Variants in DLGAP4 observed in about 807,000 individuals in gnomAD.
DLGAP4 encodes the protein DLG associated protein 4, also known as disks large-associated protein 4.
DLGAP4 carries 18 observed loss-of-function variants against 86.9 expected under a neutral mutation model. The ratio of observed to expected loss-of-function variants is 0.21; its 90% CI spans 0.14 to 0.31. The LOEUF is 0.31. DLGAP4 is among the 10% of genes least tolerant of loss of function. The pLI is 1.00. For synonymous variants in DLGAP4, 548 were observed against 574.3 expected (o/e 0.95, Z 0.65); for missense variants, 1,085 against 1,362.6 (o/e 0.80, Z 3.21).
chr20:36,334,638 A>G (rs1396425059), intron 1 of DLGAP4, among the ~76,000 whole-genome samples: 1 of 152,148 alleles, frequency 6.6e-6, no homozygotes, highest in Non-Finnish European at 1.5e-5. Context: ...GGGCCAACCC[A>G]ATTTTAGAGG....
Position 36,420,851 on chromosome 20 carries a change from T to C in DLGAP4, c.-72-10795T>C, listed in dbSNP as rs561488686. Among the ~76,000 whole-genome samples, 240 of 152,126 alleles carry C rather than the reference T, an allele frequency of 1.6e-3. 1 individual carries two copies. Among genetic ancestry groups the C allele is most frequent in the African/African-American group, 5.6e-3 (234 of 41,494 alleles). ...AGCCAGGCGTGGTGGCGCATGCCTGTAATCCCAGCTACTCTGGAGGCTGAG... is the reference window on the plus strand; with the variant it reads ...AGCCAGGCGTGGTGGCGCATGCCTGCAATCCCAGCTACTCTGGAGGCTGAG... On this transcript the variant is annotated intron_variant, in intron 2 of 12. Transcript: ENST00000339266.
intron 1 of DLGAP4, among the ~76,000 whole-genome samples, chr20:36,331,624 G>A (rs1257316537): frequency 6.6e-6 from 1 of 152,212 alleles, no homozygotes; most frequent in African/African-American, 2.4e-5. Context: ...ATGCAGAGAT[G>A]GAAGCTTTGG....
At chr20:36,419,129 T>C (rs2032749987) in intron 2 of DLGAP4, among the ~76,000 whole-genome samples, 2 of 152,214 alleles carry the variant, frequency 1.3e-5, no homozygotes, top group Admixed American at 6.5e-5. Context: ...TCTTTTTTTT[T>C]TCTTTTTTTT....
chr20:36,380,665 A>AGAGAGAC, intron 2 of DLGAP4, among the ~76,000 whole-genome samples: 1 of 121,486 alleles, frequency 8.2e-6, no homozygotes, highest in Non-Finnish European at 1.8e-5. Flanking sequence ...GAGAGAGAGA[A>AGAGAGAC]TCTCAGAGGC....
chr20:36,513,283 T>C (rs1015543268), intron 10 of DLGAP4, among the ~76,000 whole-genome samples: 1 of 150,732 alleles, frequency 6.6e-6, no homozygotes, highest in African/African-American at 2.4e-5. Context: ...GCGCGGTGGC[T>C]CACGCCTGTA....
chr20:36,467,920 C>G (rs1430121582), intron 7 of DLGAP4, among the ~76,000 whole-genome samples: 4 of 152,234 alleles, frequency 2.6e-5, no homozygotes, highest in Non-Finnish European at 5.9e-5. Context: ...AAAGGTAGCT[C>G]AGGCCCAAGG....
At chr20:36,448,937 G>GA (rs573984902) in intron 7 of DLGAP4, among the ~76,000 whole-genome samples, 3,429 of 148,018 alleles carry the variant, frequency 0.023, 56 homozygotes, top group Middle Eastern at 0.079. Context: ...TTGTCTCAAA[G>GA]AAAAAAAAAA....
At chr20:36,312,459 T>A (rs2065062317) in intron 1 of DLGAP4, among the ~76,000 whole-genome samples, 1 of 152,152 alleles carries the variant, frequency 6.6e-6, no homozygotes, top group Non-Finnish European at 1.5e-5. Flanking sequence ...AGAGAAGGGC[T>A]GCGCAGGTCA....
chr20:36,507,297 G>A (rs977611093), intron 10 of DLGAP4, among the ~76,000 whole-genome samples: 14 of 151,906 alleles, frequency 9.2e-5, no homozygotes, highest in East Asian at 7.7e-4. Flanking sequence ...GTACAATTTC[G>A]GCTCACCACA....
chr20:36,317,747 A>T (rs1267664786), intron 1 of DLGAP4, among the ~76,000 whole-genome samples: 1 of 151,858 alleles, frequency 6.6e-6, no homozygotes, highest in Non-Finnish European at 1.5e-5. Context: ...TGAGCCACCG[A>T]GCCCAGCACT....
intron 1 of DLGAP4, among the ~76,000 whole-genome samples, chr20:36,330,081 C>G (rs1432108192): frequency 6.6e-6 from 1 of 151,648 alleles, no homozygotes; most frequent in Non-Finnish European, 1.5e-5. Flanking sequence ...GCAGTCATCT[C>G]TGGGAGAATA....
In DLGAP4 at chr20:36,442,740, C is replaced by A. The variant is rs370232246; in HGVS notation, c.1370C>A (p.Ala457Asp). ...SSCISQIFGQ[A>D]SLIPQLFGHE... ...TCTTTCCTGCAGATTTTTGGACAGG[C>A]CTCCCTGATCCCCCAGTTGTTTGGC... The change falls in exon 6 of 13, where the codon GCC becomes GAC. Residue 457 changes from alanine (A) to aspartate (D), a missense_variant. By Grantham distance (126) the Ala-to-Asp change is moderately radical (BLOSUM62 -2). Around this residue, in one of 2 missense-constraint regions of DLGAP4, gnomAD observed 1,082 missense variants for 1,344.1 expected, o/e 0.81. Transcript: ENST00000339266. 1.2e-6 allele frequency: 2 copies of A among 1,614,072 alleles called. No homozygotes were observed. Among genetic ancestry groups the A allele is most frequent in the African/African-American group, 2.7e-5 (2 of 74,920 alleles).
At chr20:36,474,508 A>G (rs2034821891) in intron 7 of DLGAP4, among the ~76,000 whole-genome samples, 1 of 152,154 alleles carries the variant, frequency 6.6e-6, no homozygotes, top group Non-Finnish European at 1.5e-5. Flanking sequence ...TTGACTGCGG[A>G]GAATAGGTTG....
rs142279600 is a variant in DLGAP4 at position 36,353,984 on chromosome 20, C to T, written c.-303-13061C>T. On this transcript the variant is annotated intron_variant, in intron 1 of 12. Coordinates refer to ENST00000339266, the MANE Select transcript of DLGAP4 (RefSeq NM_001365621.2). ...GGGTTTGCATCCAGGTCAGCTCCCT[C>T]GAGCGCCTGCTGTTTCCCCAGCTGC... is the stretch of plus-strand genomic sequence containing the variant. Among the ~76,000 whole-genome samples the T allele has an allele frequency of 6.9e-3, 1,054 of 152,334 alleles. 9 individuals carry two copies. Among genetic ancestry groups the T allele is most frequent in the South Asian group, 0.014 (69 of 4,824 alleles).
intron 7 of DLGAP4, among the ~76,000 whole-genome samples, chr20:36,495,023 GCT>G (rs1486707221): frequency 1.6e-5 from 1 of 64,370 alleles, no homozygotes; most frequent in African/African-American, 6.1e-5. Flanking sequence ...ACGGAATTTC[GCT>G]CTTATTGCCT....
intron 1 of DLGAP4, among the ~76,000 whole-genome samples, chr20:36,334,412 G>A (rs2065300869): frequency 6.6e-6 from 1 of 152,160 alleles, no homozygotes; most frequent in African/African-American, 2.4e-5. Context: ...AGTGTGACCT[G>A]AGGGCCGGGG....
In DLGAP4 at chr20:36,436,362, G is replaced by A. The variant is rs753921972; in HGVS notation, c.1241+12G>A. ...AGCAACCCCCGCAGGTAGGCGCGCAGCTCCACCCTTACGGTCCCGCCCAGA... is the reference window on the plus strand; with the variant it reads ...AGCAACCCCCGCAGGTAGGCGCGCAACTCCACCCTTACGGTCCCGCCCAGA... On this transcript the variant is annotated intron_variant, in intron 4 of 12. Transcript: ENST00000339266. The A allele has an allele frequency of 2.8e-5, 45 of 1,584,492 alleles. No individual in the cohort carries two copies. Among genetic ancestry groups the A allele is most frequent in the Non-Finnish European group, 3.8e-5 (44 of 1,169,110 alleles).
At chr20:36,446,640 C>T in intron 6 of DLGAP4, 57 bp from the exon 7 acceptor site, 1 of 1,526,588 alleles carries the variant, frequency 6.6e-7, no homozygotes, top group Non-Finnish European at 8.9e-7. Flanking sequence ...CCAAGAACCG[C>T]TCCCCCCAGG....
chr20:36,469,431 C>A (rs573890175), intron 7 of DLGAP4, among the ~76,000 whole-genome samples: 14 of 152,258 alleles, frequency 9.2e-5, no homozygotes, highest in African/African-American at 3.1e-4. Flanking sequence ...CAAGCCAAGG[C>A]ATAAGTCTCT....
Sources: gnomAD v4.1 joint callset for allele counts (sites outside exome capture counted in the v4.1 genomes callset) on GRCh38, gnomAD v4.1.1 for gene constraint, gnomAD v4.1.1 regional missense constraint, MANE v1.5 for transcripts, NCBI Gene and HGNC (gene_info 2026-07-23, HGNC 2026-07-21) for gene names.